TLL1: variants seen among roughly 807,000 people sequenced by gnomAD.
TLL1 encodes tolloid-like protein 1.
Under a neutral mutation model 128.2 loss-of-function variants are expected in TLL1, and 49 were observed. The ratio of observed to expected loss-of-function variants is 0.38; its 90% CI spans 0.30 to 0.48. The LOEUF is 0.48. TLL1 is among the 20% of genes least tolerant of loss of function. The probability of loss-of-function intolerance (pLI) is 0.96; values close to 1 mark genes in which losing one functional copy is unlikely to be tolerated. For synonymous variants in TLL1, 454 were observed against 418.8 expected, an observed-to-expected ratio of 1.08 and a Z score of -1.03; for missense variants, 1,123 against 1,242.0, an observed-to-expected ratio of 0.90 and a Z score of 1.44.
chr4:165,976,034 C>CAAAAAAAAAAAA (rs1169297533), intron 1 of TLL1, among the ~76,000 whole-genome samples: 5 of 72,084 alleles, frequency 6.9e-5, no homozygotes, highest in African/African-American at 1.9e-4. Context: ...GATTCCATCT[C>CAAAAAAAAAAAA]AAAAAAAAAA....
intron 1 of TLL1, among the ~76,000 whole-genome samples, chr4:165,963,818 G>A (rs10003155): frequency 5.8e-4 from 88 of 152,314 alleles, no homozygotes; most frequent in African/African-American, 2.0e-3. Flanking sequence ...GCTTGGCTCA[G>A]TATGGACCTG....
intron 2 of TLL1, among the ~76,000 whole-genome samples, chr4:165,990,543 T>C (rs979083200): frequency 2.0e-5 from 3 of 152,000 alleles, no homozygotes; most frequent in African/African-American, 7.2e-5. Context: ...TATTCTTACT[T>C]GTTAGATTCA....
chr4:165,902,736 C>A (rs1474907073), intron 1 of TLL1, among the ~76,000 whole-genome samples: 3 of 152,104 alleles, frequency 2.0e-5, no homozygotes, highest in Admixed American at 2.0e-4. Context: ...TAGCCACACA[C>A]CAAGTATAGT....
intron 1 of TLL1, among the ~76,000 whole-genome samples, chr4:165,964,086 G>A (rs896716297): frequency 6.6e-6 from 1 of 152,080 alleles, no homozygotes; most frequent in African/African-American, 2.4e-5. Flanking sequence ...ATACATCTTA[G>A]CATATACATT....
intron 12 of TLL1, among the ~76,000 whole-genome samples, chr4:166,051,548 CAAAT>C (rs933433482): frequency 1.3e-5 from 2 of 151,986 alleles, no homozygotes; most frequent in African/African-American, 2.4e-5. Context: ...ACAAATGACA[CAAAT>C]AAAGTAACTC....
At chr4:165,995,322 T>C (rs1259110891) in intron 5 of TLL1, 144 bp downstream of exon 5, 1 of 679,760 alleles carries the variant, frequency 1.5e-6, no homozygotes, top group Non-Finnish European at 2.6e-6. Flanking sequence ...AAAAATATTA[T>C]ATACTAGGTA....
rs75811142 is a variant in TLL1, at chr4:165,962,034, T to C, written c.170-27347T>C. Among the ~76,000 whole-genome samples, 348 of 152,120 alleles carry C rather than the reference T, an allele frequency of 2.3e-3. 6 individuals are homozygous for C. The East Asian group carries it at 0.043, about 19-fold the overall frequency. ...GACATTGGCAAAAAATTTATGGCTATGTTCTAAAAAAAATTGCAATAGAAA... is the reference window on the plus strand; with the variant it reads ...GACATTGGCAAAAAATTTATGGCTACGTTCTAAAAAAAATTGCAATAGAAA... On this transcript the variant is annotated intron_variant, in intron 1 of 20. Transcript: ENST00000061240.
chr4:165,926,850 G>A (rs1308454522), intron 1 of TLL1, among the ~76,000 whole-genome samples: 1 of 152,148 alleles, frequency 6.6e-6, no homozygotes, highest in Non-Finnish European at 1.5e-5. Context: ...TTCAACAACG[G>A]TGGTTTTGGA....
intron 15 of TLL1, among the ~76,000 whole-genome samples, chr4:166,062,652 T>C (rs1055629808): frequency 2.6e-5 from 4 of 152,198 alleles, no homozygotes; most frequent in Non-Finnish European, 5.9e-5. Context: ...TATACAATCA[T>C]GTCATCTGCA....
chr4:166,073,261 T>C (rs1475808373), intron 16 of TLL1, among the ~76,000 whole-genome samples: 1 of 152,158 alleles, frequency 6.6e-6, no homozygotes, highest in East Asian at 1.9e-4. Context: ...AGGCAGCTGA[T>C]ACCATGGTGG....
At chr4:165,908,205 T>G (rs1453523172) in intron 1 of TLL1, among the ~76,000 whole-genome samples, 1 of 152,246 alleles carries the variant, frequency 6.6e-6, no homozygotes, top group Non-Finnish European at 1.5e-5. Context: ...TTAAATGACT[T>G]TCTTACACAG....
chr4:165,992,603 C>T (rs542112118), intron 2 of TLL1, among the ~76,000 whole-genome samples: 1 of 152,116 alleles, frequency 6.6e-6, no homozygotes, highest in South Asian at 2.1e-4. Flanking sequence ...TCTGAGTCTC[C>T]CCATCCCCTT....
intron 1 of TLL1, among the ~76,000 whole-genome samples, chr4:165,949,431 C>A (rs1734404447): frequency 6.6e-6 from 1 of 152,028 alleles, no homozygotes; most frequent in Non-Finnish European, 1.5e-5. Flanking sequence ...GACTTCTGAC[C>A]AACAGAAACT....
intron 12 of TLL1, among the ~76,000 whole-genome samples, chr4:166,045,456 T>C (rs1217860764): frequency 6.6e-6 from 1 of 152,148 alleles, no homozygotes; most frequent in Non-Finnish European, 1.5e-5. Context: ...CTTCAAACTA[T>C]ACCTCATACA....
intron 18 of TLL1, among the ~76,000 whole-genome samples, chr4:166,084,757 A>G (rs10010333): frequency 7.9e-4 from 121 of 152,240 alleles, no homozygotes; most frequent in African/African-American, 2.6e-3. Context: ...TTTTTATGCC[A>G]GTATTACGCT....
intron 1 of TLL1, among the ~76,000 whole-genome samples, chr4:165,968,925 AAAAG>A (rs1168820941): frequency 2.0e-5 from 3 of 152,172 alleles, no homozygotes; most frequent in Non-Finnish European, 4.4e-5. Context: ...CTGAGTGGTG[AAAAG>A]AAAGAATGTA....
At chr4:165,902,383 TG>T in intron 1 of TLL1, among the ~76,000 whole-genome samples, 1 of 152,306 alleles carries the variant, frequency 6.6e-6, no homozygotes, top group Non-Finnish European at 1.5e-5. Context: ...CCCAGTTTTG[TG>T]CTTGAAACCC....
chr4:165,874,173 C>T (rs1730620140), intron 1 of TLL1, 100 bp downstream of exon 1: 2 of 1,429,766 alleles, frequency 1.4e-6, no homozygotes, highest in African/African-American at 1.4e-5. Flanking sequence ...TTCCCTCCCG[C>T]GTCAGCCCCT....
At chr4:165,945,976 G>A (rs944002924) in intron 1 of TLL1, among the ~76,000 whole-genome samples, 2 of 152,156 alleles carry the variant, frequency 1.3e-5, no homozygotes, top group Non-Finnish European at 2.9e-5. Context: ...TAAGAAAACA[G>A]AAGAGTCAGT....
Sources: allele counts gnomAD v4.1 joint callset (sites outside exome capture counted in the v4.1 genomes callset), GRCh38; gene constraint gnomAD v4.1.1; transcripts MANE v1.5; gene names NCBI Gene and HGNC (gene_info 2026-07-23, HGNC 2026-07-21).